Variants in USP28 observed in about 807,000 individuals in gnomAD.
The protein encoded by USP28 is ubiquitin specific peptidase 28.
In USP28, 113 loss-of-function variants were observed where a neutral mutation model predicts 145.0. That is an observed-to-expected ratio of 0.78 (90% CI 0.67 to 0.91). USP28 has a LOEUF of 0.91. USP28 is among the 40% of genes least tolerant of loss of function. USP28 has a pLI of 0.00. For synonymous variants in USP28, 447 were observed against 450.9 expected, an observed-to-expected ratio of 0.99 and a Z score of 0.11; for missense variants, 1,201 against 1,289.6, an observed-to-expected ratio of 0.93 and a Z score of 1.05.
chr11:113,875,377 A>C, intron 1 of USP28, 68 bp downstream of exon 1: 1 of 1,136,102 alleles, frequency 8.8e-7, no homozygotes, highest in South Asian at 3.7e-5. Context: ...GCAGCCCTGC[A>C]GGCCCCGCAC....
rs370916492 is a variant in USP28, at chr11:113,847,578, A to C, written c.268+4923T>G. ...AACTGCCAACACTGTTAATGAGATA[A>C]CCAGGGAAATTTCTACATGGGGTAT... On this transcript the variant is annotated intron_variant, in intron 3 of 24. Coordinates refer to ENST00000003302, the Ensembl canonical transcript of USP28. Among the ~76,000 whole-genome samples the C allele has an allele frequency of 1.2e-4, 19 of 152,312 alleles. No individual in the cohort carries two copies. In the East Asian group the frequency reaches 3.1e-3, roughly 25 times the overall value.
intron 10 of USP28, 73 bp downstream of exon 10, chr11:113,829,124 T>C (rs931548878): frequency 1.3e-6 from 2 of 1,572,272 alleles, no homozygotes; most frequent in South Asian, 2.4e-5. Flanking sequence ...GATGGGAAAC[T>C]AGTCTGCCCA....
At chr11:113,808,007 T>A (rs1175383237) in intron 18 of USP28, 1 of 1,216,856 alleles carries the variant, frequency 8.2e-7, no homozygotes, top group East Asian at 4.5e-5. Flanking sequence ...ACACTGGGAA[T>A]CTCGACTTCA....
At chr11:113,801,592 G>A (rs759929084) in exon 24 of USP28, 1 of 1,611,198 alleles carries the variant, frequency 6.2e-7, no homozygotes, top group South Asian at 1.1e-5. Context: ...TGCAGGGGAT[G>A]ATCAGTTCAT....
intron 3 of USP28, among the ~76,000 whole-genome samples, chr11:113,849,111 T>C (rs1212161072): frequency 6.6e-6 from 1 of 152,188 alleles, no homozygotes; most frequent in Non-Finnish European, 1.5e-5. Flanking sequence ...CCAAGAGAGT[T>C]CCATAATACA....
At chr11:113,836,688 C>G (rs1431112593) in intron 5 of USP28, among the ~76,000 whole-genome samples, 1 of 152,164 alleles carries the variant, frequency 6.6e-6, no homozygotes, top group African/African-American at 2.4e-5. Flanking sequence ...GTCACCATCA[C>G]TCTTCATGGA....
intron 16 of USP28, among the ~76,000 whole-genome samples, chr11:113,811,694 AAAAG>A (rs1434295811): frequency 2.0e-5 from 3 of 152,208 alleles, no homozygotes; most frequent in Non-Finnish European, 4.4e-5. Context: ...TCTCAAAAAA[AAAAG>A]AAAGAAAAAA....
chr11:113,823,854 G>A (rs1421963148), intron 11 of USP28, among the ~76,000 whole-genome samples, 154 bp from the exon 12 acceptor site: 1 of 152,118 alleles, frequency 6.6e-6, no homozygotes, highest in Admixed American at 6.5e-5. Flanking sequence ...TAAAACTGAT[G>A]CATTCCCCCT....
intron 1 of USP28, among the ~76,000 whole-genome samples, chr11:113,856,645 T>C (rs1947078190): frequency 6.6e-6 from 1 of 152,180 alleles, no homozygotes; most frequent in Non-Finnish European, 1.5e-5. Flanking sequence ...GACAAAAAGA[T>C]AGGCAAGAAT....
chr11:113,825,927 T>C (rs2135795965), intron 11 of USP28, among the ~76,000 whole-genome samples: 1 of 152,306 alleles, frequency 6.6e-6, no homozygotes, highest in African/African-American at 2.4e-5. Flanking sequence ...TTTATTTGAC[T>C]GTACATTTGT....
At chr11:113,823,676 A>G (rs764995801) in exon 12 of USP28, 30 of 1,611,892 alleles carry the variant, frequency 1.9e-5, no homozygotes, top group South Asian at 1.5e-4. Context: ...TATTTCGAAT[A>G]AGCTCCTTGC....
intron 3 of USP28, among the ~76,000 whole-genome samples, chr11:113,850,027 A>G (rs904754898): frequency 1.3e-5 from 2 of 152,102 alleles, no homozygotes; most frequent in African/African-American, 4.8e-5. Flanking sequence ...TAATTAACCT[A>G]ATGTTTTTAT....
intron 1 of USP28, chr11:113,859,341 T>A (rs1448854677): frequency 6.6e-6 from 1 of 152,124 alleles, no homozygotes; most frequent in African/African-American, 2.4e-5. Flanking sequence ...CTATTAAGGG[T>A]CTAAGTGCTT....
At chr11:113,874,647 TG>T in intron 1 of USP28, 3 of 1,279,208 alleles carry the variant, frequency 2.3e-6, no homozygotes, top group Non-Finnish European at 3.0e-6. Flanking sequence ...GAGGAGGTGG[TG>T]TTAAGTTATA....
chr11:113,845,055 GGCTGCAGT>G (rs1468398956), intron 3 of USP28, among the ~76,000 whole-genome samples: 1 of 151,726 alleles, frequency 6.6e-6, no homozygotes. Context: ...GGGAGGTCAA[GGCTGCAGT>G]GAGCCCTGTT....
intron 15 of USP28, 44 bp from the exon 16 acceptor site, chr11:113,812,548 A>G: frequency 6.5e-7 from 1 of 1,549,066 alleles, no homozygotes; most frequent in African/African-American, 1.4e-5. Flanking sequence ...GAAGCAAAGT[A>G]ATCTGATAAA....
At chr11:113,853,301 C>CAAAA (rs35806711) in intron 2 of USP28, among the ~76,000 whole-genome samples, 1 of 54,944 alleles carries the variant, frequency 1.8e-5, no homozygotes, top group African/African-American at 7.6e-5. Flanking sequence ...TCTCCTGTCT[C>CAAAA]AAAAAAAAAA....
intron 1 of USP28, chr11:113,874,509 A>G: frequency 7.8e-7 from 1 of 1,288,066 alleles, no homozygotes. Context: ...GTATAAAAGG[A>G]TTCTCACCTG....
intron 1 of USP28, among the ~76,000 whole-genome samples, chr11:113,873,577 T>C (rs1949034552): frequency 6.6e-6 from 1 of 152,238 alleles, no homozygotes; most frequent in Non-Finnish European, 1.5e-5. Flanking sequence ...CTTAAATGAC[T>C]GAGCCACGAC....
Sources: allele counts gnomAD v4.1 joint callset (sites outside exome capture counted in the v4.1 genomes callset), GRCh38; gene constraint gnomAD v4.1.1; transcripts MANE v1.5; gene names NCBI Gene and HGNC (gene_info 2026-07-23, HGNC 2026-07-21).